NID2: variants seen among roughly 807,000 people sequenced by gnomAD.
NID2 encodes the protein nidogen-2.
A neutral mutation model predicts 145.4 loss-of-function variants in NID2; 83 were observed. That is an observed-to-expected ratio of 0.57 (90% CI 0.48 to 0.69). The LOEUF is 0.69. Ranked by LOEUF, NID2 falls within the 30% of genes least tolerant of loss-of-function variation. The pLI is 0.00. For synonymous variants in NID2, 739 were observed against 701.3 expected (o/e 1.05, Z -0.85); for missense variants, 1,807 against 1,765.7 (o/e 1.02, Z -0.42).
At chr14:52,007,632 C>A (rs1392702280) in intron 19 of NID2, 178 bp downstream of exon 19, 10 of 634,882 alleles carry the variant, frequency 1.6e-5, no homozygotes, top group Non-Finnish European at 2.5e-5. Flanking sequence ...TCCACCCAAA[C>A]CCCAGAAAGT....
intron 12 of NID2, 136 bp from the exon 13 acceptor site, chr14:52,020,314 A>T: frequency 7.0e-7 from 1 of 1,435,390 alleles, no homozygotes; most frequent in Non-Finnish European, 9.2e-7. Flanking sequence ...TTTGAGCATG[A>T]GCAGAAAAAT....
chr14:52,019,084 G>T lies in NID2; in HGVS notation c.3005C>A (p.Pro1002Gln), dbSNP rs369045026. The stretch of plus-strand genomic sequence containing the variant: ...ACCTGGTGATGGTCCACAGTGAGGC[G>T]GGGTGGAGCCAGGTGGAGTCTGGGT... ...PGTQTPPGSTPPHCGPSPEPT... is the reference protein window; with the variant it reads ...PGTQTPPGSTQPHCGPSPEPT... The change falls in exon 14 of 22, where the codon CCG becomes CAG. Residue 1002 changes from proline (P) to glutamine (Q), a missense_variant. By Grantham distance (76) the Pro-to-Gln change is moderately conservative. Transcript: ENST00000216286. The T allele has an allele frequency of 6.2e-7, 1 of 1,613,878 alleles. No individual in the cohort carries two copies. The highest frequency in any genetic ancestry group is 1.3e-5 in the African/African-American group (1 of 75,006).
intron 9 of NID2, among the ~76,000 whole-genome samples, chr14:52,038,207 A>G (rs1467338857): frequency 1.3e-5 from 2 of 152,242 alleles, no homozygotes; most frequent in African/African-American, 4.8e-5. Context: ...GTCTTTCACC[A>G]TTAAGTATAA....
At chr14:52,060,722 C>T (rs921537017) in intron 2 of NID2, among the ~76,000 whole-genome samples, 2 of 152,244 alleles carry the variant, frequency 1.3e-5, no homozygotes, top group African/African-American at 4.8e-5. Flanking sequence ...ACTTGTCCAT[C>T]CTGCAGTCAC....
At chr14:52,027,778 C>A (rs887751507) in intron 11 of NID2, among the ~76,000 whole-genome samples, 1 of 148,434 alleles carries the variant, frequency 6.7e-6, no homozygotes, top group Admixed American at 6.8e-5. Flanking sequence ...GGCTGGAGTA[C>A]AGTGGCGTGA....
intron 9 of NID2, among the ~76,000 whole-genome samples, chr14:52,030,214 C>T (rs550721095): frequency 1.3e-5 from 2 of 152,114 alleles, no homozygotes; most frequent in Non-Finnish European, 2.9e-5. Flanking sequence ...TTTTAAAAAT[C>T]TTGTTTTTTA....
chr14:52,051,017 CT>C (rs775607358), intron 5 of NID2, among the ~76,000 whole-genome samples: 1 of 152,208 alleles, frequency 6.6e-6, no homozygotes, highest in Non-Finnish European at 1.5e-5. Context: ...CCAGAGCTCC[CT>C]GGAAACAAGA....
chr14:52,027,412 GC>G, intron 11 of NID2, 68 bp from the exon 12 acceptor site: 1 of 1,366,004 alleles, frequency 7.3e-7, no homozygotes, highest in Non-Finnish European at 9.6e-7. Flanking sequence ...ACTCCTCATG[GC>G]ATGATCCACA....
intron 7 of NID2, 51 bp downstream of exon 7, chr14:52,042,052 GCA>G: frequency 6.5e-7 from 1 of 1,529,202 alleles, no homozygotes; most frequent in Non-Finnish European, 8.8e-7. Context: ...GCCCCAAGGA[GCA>G]CCACTGCCAA....
intron 2 of NID2, among the ~76,000 whole-genome samples, chr14:52,062,453 C>T (rs1893046182): frequency 6.6e-6 from 1 of 152,120 alleles, no homozygotes. Flanking sequence ...GGCTGTTCTG[C>T]CTCATGTCTA....
At chr14:52,015,018 T>C in intron 15 of NID2, 36 bp downstream of exon 15, 1 of 1,555,814 alleles carries the variant, frequency 6.4e-7, no homozygotes. Flanking sequence ...AGGCCTTAGA[T>C]ACAGCTGAGG....
chr14:52,042,068 A>T, intron 7 of NID2, 37 bp downstream of exon 7: 1 of 1,542,744 alleles, frequency 6.5e-7, no homozygotes, highest in Non-Finnish European at 8.7e-7. Flanking sequence ...CTGCCAAAGC[A>T]ATGCTGACTA....
chr14:52,046,367 AAATC>A (rs1341620352), intron 5 of NID2, among the ~76,000 whole-genome samples: 1 of 151,702 alleles, frequency 6.6e-6, no homozygotes, highest in African/African-American at 2.4e-5. Context: ...ATTCAGATAA[AAATC>A]AATCCAAACT....
intron 12 of NID2, 131 bp downstream of exon 12, chr14:52,027,070 A>C (rs1166370022): frequency 6.5e-6 from 6 of 927,182 alleles, no homozygotes; most frequent in Non-Finnish European, 8.8e-6. Flanking sequence ...CTTTTTTCTC[A>C]CTATTTTGGC....
At chr14:52,027,633 T>TAC (rs59049676) in intron 11 of NID2, among the ~76,000 whole-genome samples, 48,799 of 143,938 alleles carry the variant, frequency 0.34, 8,281 homozygotes, top group Non-Finnish European at 0.4. Flanking sequence ...GAGCAATTGC[T>TAC]ACACACACAC....
intron 1 of NID2, 117 bp from the exon 2 acceptor site, chr14:52,068,280 G>T: frequency 1.0e-6 from 1 of 958,556 alleles, no homozygotes; most frequent in Non-Finnish European, 1.6e-6. Flanking sequence ...CTTCCCCACT[G>T]GCCAGGGAGT....
At chr14:52,044,640 T>G (rs1313782790) in intron 5 of NID2, among the ~76,000 whole-genome samples, 2 of 151,856 alleles carry the variant, frequency 1.3e-5, no homozygotes, top group Non-Finnish European at 1.5e-5. Flanking sequence ...TGAGACAGGG[T>G]TTTGCTCTGT....
intron 21 of NID2, 43 bp from the exon 22 acceptor site, chr14:52,005,539 ATATTGTAACCAAGTTGC>A: frequency 3.8e-6 from 6 of 1,586,634 alleles, no homozygotes; most frequent in Non-Finnish European, 5.1e-6. Context: ...GTGGGTGAGT[ATATTGTAACCAAGTTGC>A]AACAGCAAGT....
At chr14:52,012,339 C>CA (rs1491431513) in intron 16 of NID2, among the ~76,000 whole-genome samples, 7 of 152,190 alleles carry the variant, frequency 4.6e-5, no homozygotes, top group East Asian at 3.8e-4. Context: ...CACAGTGACT[C>CA]ACGCCTGTAA....
Sources: gnomAD v4.1 joint callset for allele counts (sites outside exome capture counted in the v4.1 genomes callset) on GRCh38, gnomAD v4.1.1 for gene constraint, MANE v1.5 for transcripts, NCBI Gene and HGNC (gene_info 2026-07-23, HGNC 2026-07-21) for gene names.